Variants in WDR70 observed in about 807,000 individuals in gnomAD.
WDR70 encodes WD repeat domain 70.
In WDR70, 53 loss-of-function variants were observed where a neutral mutation model predicts 88.6. That is an observed-to-expected ratio of 0.60 (90% confidence interval 0.48 to 0.75). WDR70 has a LOEUF of 0.75. WDR70 is among the 30% of genes least tolerant of loss of function. The probability of loss-of-function intolerance (pLI) is 0.00; values close to 1 mark genes in which losing one functional copy is unlikely to be tolerated. For synonymous variants in WDR70, 280 were observed against 270.0 expected, an observed-to-expected ratio of 1.04 and a Z score of -0.36; for missense variants, 610 against 823.2, an observed-to-expected ratio of 0.74 and a Z score of 3.17.
intron 9 of WDR70, among the ~76,000 whole-genome samples, chr5:37,597,227 A>G (rs1423823711): frequency 6.6e-6 from 1 of 152,214 alleles, no homozygotes; most frequent in Non-Finnish European, 1.5e-5. Context: ...TAGAAATGAC[A>G]TTGCTTGTGA....
rs903314769 is a variant in WDR70, at chr5:37,752,656, A to C, written c.*83A>C. 5 of 1,014,022 alleles carry C rather than the reference A, an allele frequency of 4.9e-6. No individual in the cohort carries two copies. Among genetic ancestry groups the C allele is most frequent in the Non-Finnish European group, 7.3e-6 (5 of 683,646 alleles). 62.8% of individuals were successfully genotyped at this position (1,014,022 alleles called of 1,614,324 possible). Reference sequence around the variant, plus strand: ...TTTTTTTTTATGCTCATGAAATTAAAAATTCATTTTTATGAACAGGTTTTG... The same window carrying C: ...TTTTTTTTTATGCTCATGAAATTAACAATTCATTTTTATGAACAGGTTTTG... On this transcript the variant is annotated 3_prime_UTR_variant, in exon 18 of 18. Transcript: ENST00000265107.
intron 9 of WDR70, among the ~76,000 whole-genome samples, chr5:37,589,356 T>C (rs1436677222): frequency 1.3e-5 from 2 of 151,934 alleles, no homozygotes; most frequent in Non-Finnish European, 2.9e-5. Flanking sequence ...GCATAATATA[T>C]ATGTTTATGT....
Position 37,678,536 on chromosome 5 carries a change from C to A in WDR70, c.1093-19119C>A, listed in dbSNP as rs1413324219. 4.6e-5 allele frequency among the ~76,000 whole-genome samples: 7 copies of A among 152,224 alleles called. No homozygotes were observed. In the East Asian group the frequency reaches 5.8e-4, roughly 13 times the overall value. ...GAAATTCTGGGTTGAAAATTCTTTT[C>A]TTTAAGAATGTTGAATATTGGCCCC... On this transcript the variant is annotated intron_variant, in intron 10 of 17. Coordinates refer to ENST00000265107, the MANE Select transcript of WDR70 (RefSeq NM_018034.4).
Position 37,731,042 on chromosome 5 carries a change from G to A in WDR70, c.1877+3997G>A, listed in dbSNP as rs188056390. On this transcript the variant is annotated intron_variant, in intron 17 of 17. Coordinates refer to ENST00000265107, the MANE Select transcript of WDR70 (RefSeq NM_018034.4). ...ATCAAGCCAAGTCCCAGGGAGGGTC[G>A]CTTTGGCTTAATCCTGCAGGGTAAC... 5.3e-5 allele frequency among the ~76,000 whole-genome samples: 8 copies of A among 152,208 alleles called. No individual in the cohort carries two copies. The East Asian group carries it at 5.8e-4, about 11-fold the overall frequency.
intron 5 of WDR70, among the ~76,000 whole-genome samples, chr5:37,410,344 C>G (rs1053289623): frequency 4.0e-5 from 6 of 151,808 alleles, no homozygotes; most frequent in Non-Finnish European, 8.8e-5. Context: ...TGGCCTGAGT[C>G]TGCTAGTTTT....
intron 7 of WDR70, among the ~76,000 whole-genome samples, chr5:37,468,581 A>G (rs180764323): frequency 2.7e-3 from 412 of 151,460 alleles, no homozygotes; most frequent in African/African-American, 9.6e-3. Context: ...AATTTGCATA[A>G]TTTTTTTTTG....
chr5:37,447,546 A>G (rs1301281557), intron 7 of WDR70, among the ~76,000 whole-genome samples: 1 of 152,246 alleles, frequency 6.6e-6, no homozygotes, highest in African/African-American at 2.4e-5. Flanking sequence ...TCAAATGTCC[A>G]TCAATGATAG....
intron 9 of WDR70, among the ~76,000 whole-genome samples, chr5:37,604,303 T>G (rs1181591377): frequency 1.3e-5 from 2 of 152,260 alleles, no homozygotes; most frequent in East Asian, 3.8e-4. Flanking sequence ...AATTAGTTTT[T>G]TCTTTTAGAA....
chr5:37,704,902 A>C (rs376212438), intron 13 of WDR70, among the ~76,000 whole-genome samples: 2 of 151,576 alleles, frequency 1.3e-5, no homozygotes, highest in African/African-American at 4.9e-5. Context: ...TTTTTAAAGC[A>C]GAGGAAGACA....
chr5:37,564,538 G>C (rs918682850), intron 9 of WDR70, among the ~76,000 whole-genome samples: 90 of 125,388 alleles, frequency 7.2e-4, no homozygotes, highest in Non-Finnish European at 1.2e-3. Flanking sequence ...AGAGGGAGAC[G>C]GTGGGGAGAG....
chr5:37,629,159 G>C (rs966800521), intron 10 of WDR70, among the ~76,000 whole-genome samples: 1 of 152,126 alleles, frequency 6.6e-6, no homozygotes, highest in African/African-American at 2.4e-5. Flanking sequence ...TAGCCTAATG[G>C]AGATTCCCTT....
chr5:37,391,071 A>G (rs954678068), intron 3 of WDR70, among the ~76,000 whole-genome samples: 3 of 152,104 alleles, frequency 2.0e-5, no homozygotes, highest in African/African-American at 4.8e-5. Context: ...CTAAAATCTC[A>G]CCTTTGAATA....
At chr5:37,455,634 A>ACCTTTTT (rs1738812302) in intron 7 of WDR70, among the ~76,000 whole-genome samples, 1 of 18,978 alleles carries the variant, frequency 5.3e-5, no homozygotes, top group Admixed American at 1.0e-3. Context: ...AGTTCTCTTT[A>ACCTTTTT]TCTTTTTTTT....
At chr5:37,471,417 T>C (rs560614886) in intron 7 of WDR70, among the ~76,000 whole-genome samples, 1 of 152,036 alleles carries the variant, frequency 6.6e-6, no homozygotes, top group East Asian at 1.9e-4. Context: ...GGATATCCTT[T>C]CTCAAATGGT....
Position 37,672,972 on chromosome 5 carries a change from T to G in WDR70, c.1093-24683T>G, listed in dbSNP as rs906921106. Among the ~76,000 whole-genome samples, 8 of 151,178 alleles carry G rather than the reference T, an allele frequency of 5.3e-5. No individual in the cohort carries two copies. The East Asian group carries it at 9.7e-4, about 18-fold the overall frequency. On this transcript the variant is annotated intron_variant, in intron 10 of 17. Transcript: ENST00000265107. Reference sequence around the variant, plus strand: ...AACTTGTATCATGGAGGCGGGGGGGTTTGTTGTACAGATTATTTTTTCACC... The same window carrying G: ...AACTTGTATCATGGAGGCGGGGGGGGTTGTTGTACAGATTATTTTTTCACC...
rs57080738 is a variant in WDR70 at position 37,521,740 on chromosome 5, A to ACACC, written c.917+5151_917+5152insACCC. Among the ~76,000 whole-genome samples, 198 of 131,276 alleles carry ACACC rather than the reference A, an allele frequency of 1.5e-3. 2 individuals carry two copies. Among genetic ancestry groups the ACACC allele is most frequent in the South Asian group, 6.5e-3 (28 of 4,306 alleles). The allele number at this position is 131,276 out of a possible 152,430, so 86.1% of individuals were successfully genotyped here. On this transcript the variant is annotated intron_variant, in intron 9 of 17. Transcript: ENST00000265107. ...CACACACACACACACACACACACAC[A>ACACC]CCCACATGTTCTTTATCAACTTGTT... is the stretch of plus-strand genomic sequence containing the variant.
intron 9 of WDR70, among the ~76,000 whole-genome samples, chr5:37,556,225 A>G (rs1742292267): frequency 6.6e-6 from 1 of 151,932 alleles, no homozygotes; most frequent in African/African-American, 2.4e-5. Context: ...CCCACTTTCC[A>G]AAGAATTTAT....
intron 7 of WDR70, among the ~76,000 whole-genome samples, chr5:37,467,118 T>G (rs920391799): frequency 1.3e-5 from 2 of 151,118 alleles, no homozygotes; most frequent in African/African-American, 4.9e-5. Flanking sequence ...TCTGAGCTAC[T>G]TGGGAGGTTG....
At chr5:37,528,192 C>T (rs1159738816) in intron 9 of WDR70, among the ~76,000 whole-genome samples, 10 of 152,052 alleles carry the variant, frequency 6.6e-5, no homozygotes, top group African/African-American at 2.2e-4. Flanking sequence ...ATGTTTATTG[C>T]GGCACTATTC....
Sources: gnomAD v4.1 joint callset for allele counts (sites outside exome capture counted in the v4.1 genomes callset) on GRCh38, gnomAD v4.1.1 for gene constraint, MANE v1.5 for transcripts, NCBI Gene and HGNC (gene_info 2026-07-23, HGNC 2026-07-21) for gene names.